The following RBBP8 variants were observed in gnomAD, a reference collection of about 807,000 sequenced individuals.
RBBP8 encodes the protein DNA endonuclease RBBP8.
A neutral mutation model predicts 108.3 loss-of-function variants in RBBP8; 88 were observed. The ratio of observed to expected loss-of-function variants is 0.81; its 90% CI spans 0.68 to 0.97. The LOEUF (loss-of-function observed/expected upper bound fraction) is 0.97, where lower values mean the gene tolerates loss of function less well. RBBP8 is among the 50% of genes least tolerant of loss of function. The pLI is 0.00. For synonymous variants in RBBP8, 332 were observed against 348.2 expected (o/e 0.95, Z 0.52); for missense variants, 1,023 against 1,049.0 (o/e 0.98, Z 0.34).
intron 5 of RBBP8, among the ~76,000 whole-genome samples, chr18:22,972,594 A>G (rs1157149863): frequency 2.0e-5 from 3 of 151,822 alleles, no homozygotes; most frequent in East Asian, 2.0e-4. Flanking sequence ...TTGTATTTTT[A>G]GTAGAGATGG....
intron 3 of RBBP8, among the ~76,000 whole-genome samples, chr18:22,947,698 T>C (rs925047868): frequency 6.6e-6 from 1 of 152,100 alleles, no homozygotes; most frequent in South Asian, 2.1e-4. Flanking sequence ...CTGTCTTTAA[T>C]ATATTAGACA....
chr18:22,948,505 T>A (rs569197616), intron 3 of RBBP8, among the ~76,000 whole-genome samples: 1 of 152,294 alleles, frequency 6.6e-6, no homozygotes, highest in South Asian at 2.1e-4. Context: ...ATTTGTTGTA[T>A]AGCCAGAAGG....
chr18:22,943,120 C>T (rs928880257), intron 2 of RBBP8, among the ~76,000 whole-genome samples: 1 of 151,864 alleles, frequency 6.6e-6, no homozygotes, highest in Non-Finnish European at 1.5e-5. Context: ...TAAGACTGCA[C>T]AAATTAACAG....
chr18:22,924,563 A>G (rs1479439367), intron 3 of RBBP8, among the ~76,000 whole-genome samples: 1 of 152,172 alleles, frequency 6.6e-6, no homozygotes, highest in African/African-American at 2.4e-5. Context: ...CTGGGACCAC[A>G]GGCATACACA....
upstream of RBBP8, among the ~76,000 whole-genome samples, chr18:22,928,348 A>T (rs919208591): frequency 2.0e-5 from 3 of 152,164 alleles, no homozygotes; most frequent in African/African-American, 7.2e-5. Flanking sequence ...GGCATGGGAG[A>T]ATGAGGAAGG....
intron 3 of RBBP8, among the ~76,000 whole-genome samples, chr18:22,917,761 G>A (rs748707829): frequency 2.0e-5 from 3 of 152,068 alleles, no homozygotes; most frequent in Non-Finnish European, 4.4e-5. Flanking sequence ...AGCACTTTGG[G>A]AGGCTGAGGC....
chr18:22,933,784 G>A (rs1910230519), intron 1 of RBBP8: 1 of 152,180 alleles, frequency 6.6e-6, no homozygotes, highest in Non-Finnish European at 1.5e-5. Context: ...TCTCCCGCGC[G>A]GGCTGAGGAA....
intron 4 of RBBP8, among the ~76,000 whole-genome samples, chr18:22,966,774 T>C (rs1163704561): frequency 6.8e-6 from 1 of 147,644 alleles, no homozygotes; most frequent in Middle Eastern, 3.2e-3. Flanking sequence ...TCACCCAGGC[T>C]GGAGTGCAAT....
chr18:22,966,362 A>G (rs1913583919), intron 4 of RBBP8, among the ~76,000 whole-genome samples: 1 of 152,168 alleles, frequency 6.6e-6, no homozygotes, highest in Admixed American at 6.5e-5. Flanking sequence ...TTCCGATTCT[A>G]TTAATGCTAC....
At chr18:22,920,398 T>C (rs961740588) in intron 3 of RBBP8, among the ~76,000 whole-genome samples, 2 of 152,174 alleles carry the variant, frequency 1.3e-5, no homozygotes, top group African/African-American at 4.8e-5. Flanking sequence ...TACATAACAG[T>C]TCATTGTGTT....
At position 22,993,644 on chromosome 18, in the gene RBBP8, G is replaced by C; in HGVS notation, c.1812+5G>C. On this transcript the variant is annotated splice_donor_5th_base_variant and intron_variant, in intron 11 of 18. Transcript: ENST00000327155. ...AATGTTTTAGATGACATAAAGGTTT[G>C]TGTTAAATGTTCAAGGATTTTGATT... 1 of 1,614,254 alleles carries C rather than the reference G, an allele frequency of 6.2e-7. No homozygotes were observed. The highest frequency in any genetic ancestry group is 8.5e-7 in the Non-Finnish European group (1 of 1,180,032).
At chr18:23,022,668 T>TAAAATAAAATAAAATAAAATAAAAA (rs1353697130) in intron 18 of RBBP8, among the ~76,000 whole-genome samples, 5 of 136,058 alleles carry the variant, frequency 3.7e-5, no homozygotes, top group African/African-American at 1.4e-4. Flanking sequence ...TAAAATAAAA[T>TAAAATAAAATAAAATAAAATAAAAA]AAATAACTGT....
At chr18:22,945,755 CTTATAT>C (rs1383130157) in intron 2 of RBBP8, among the ~76,000 whole-genome samples, 1 of 152,060 alleles carries the variant, frequency 6.6e-6, no homozygotes, top group Non-Finnish European at 1.5e-5. Flanking sequence ...TTTGGTTTGA[CTTATAT>C]TTAGTTGCTG....
At position 23,001,504 on chromosome 18, in the gene RBBP8, T is replaced by C. The variant is rs58070094; in HGVS notation, c.2144-82T>C. 186,772 of 1,464,406 alleles carry C rather than the reference T, an allele frequency of 0.13. 14,578 individuals are homozygous for C. The highest frequency in any genetic ancestry group is 0.35 in the African/African-American group (24,836 of 71,872). The allele number at this position is 1,464,406 out of a possible 1,614,324, so 90.7% of individuals were successfully genotyped here. A position where few individuals can be genotyped will look rare whatever the true frequency, so the allele number is the denominator to read the frequency against. On this transcript the variant is annotated intron_variant, in intron 14 of 18. Transcript: ENST00000327155. Reference sequence around the variant, plus strand: ...TTAAGGACTGCATTCTGTTATTGTGTGGTAGTTACTACAGTTTCATGATGG... The same window carrying C: ...TTAAGGACTGCATTCTGTTATTGTGCGGTAGTTACTACAGTTTCATGATGG...
rs147057488 is a variant in RBBP8, at chr18:22,990,191, A to G, written c.808-746A>G. 5.2e-3 allele frequency among the ~76,000 whole-genome samples: 787 copies of G among 152,312 alleles called. 13 individuals carry two copies. The highest frequency in any genetic ancestry group is 0.018 in the African/African-American group (754 of 41,572). ...ACACCAAATAGATTAAGGGAGCTGA[A>G]ATCTAATGACTTGCTGCTTGACGTG... On this transcript the variant is annotated intron_variant, in intron 9 of 18. Coordinates refer to ENST00000327155, the MANE Select transcript of RBBP8 (RefSeq NM_002894.3).
chr18:23,000,215 T>C (rs2045924606), intron 14 of RBBP8, among the ~76,000 whole-genome samples: 1 of 152,162 alleles, frequency 6.6e-6, no homozygotes, highest in South Asian at 2.1e-4. Context: ...AGGTGGTACT[T>C]ATATAGAATA....
At chr18:23,013,282 A>G (rs1335315171) in intron 16 of RBBP8, among the ~76,000 whole-genome samples, 1 of 152,112 alleles carries the variant, frequency 6.6e-6, no homozygotes, top group Non-Finnish European at 1.5e-5. Context: ...TTTTTTAAGG[A>G]TAGTTTGGCA....
chr18:22,950,756 C>CA (rs1005788637), intron 4 of RBBP8, among the ~76,000 whole-genome samples: 2 of 152,028 alleles, frequency 1.3e-5, no homozygotes, highest in African/African-American at 4.8e-5. Context: ...CTCATCTCTA[C>CA]AAAAAATTAA....
intron 3 of RBBP8, among the ~76,000 whole-genome samples, chr18:22,920,494 C>A (rs1019037472): frequency 5.9e-5 from 9 of 152,226 alleles, no homozygotes; most frequent in African/African-American, 1.9e-4. Flanking sequence ...ACTTGAATAA[C>A]AAATTTTTAG....
Sources: gnomAD v4.1 joint callset for allele counts (sites outside exome capture counted in the v4.1 genomes callset) on GRCh38, gnomAD v4.1.1 for gene constraint, MANE v1.5 for transcripts, NCBI Gene and HGNC (gene_info 2026-07-23, HGNC 2026-07-21) for gene names.